Variants in LLPH observed in about 807,000 individuals in gnomAD.
LLPH encodes protein LLP homolog.
A neutral mutation model predicts 13.3 loss-of-function variants in LLPH; 5 were observed. The ratio of observed to expected loss-of-function variants is 0.38; its 90% CI spans 0.20 to 0.79. The LOEUF is 0.79. Among genes scored for constraint, LLPH ranks in the 30% least tolerant of loss-of-function variants. LLPH has a pLI of 0.45. For missense variants in LLPH, 129 were observed against 152.1 expected (o/e 0.85, Z 0.80); for synonymous variants, 32 against 44.2 (o/e 0.72, Z 1.09).
chr12:66,123,788 A>G lies in LLPH; in HGVS notation c.*52T>C, dbSNP rs2051478749. 1.1e-5 allele frequency: 17 copies of G among 1,595,334 alleles called. No individual in the cohort carries two copies. Among genetic ancestry groups the G allele is most frequent in the Non-Finnish European group, 1.4e-5 (16 of 1,171,094 alleles). On this transcript the variant is annotated 3_prime_UTR_variant, in exon 3 of 3. Transcript: ENST00000266604. ...TTGAAATCAAAGTATACATGTGTAT[A>G]CATTCTAATCCGTCATCTATCCCAT...
intron 2 of LLPH, among the ~76,000 whole-genome samples, chr12:66,127,956 A>G (rs2051508209): frequency 6.6e-6 from 1 of 152,214 alleles, no homozygotes; most frequent in Non-Finnish European, 1.5e-5. Context: ...TCAGAACACA[A>G]GTGGAGAAAC....
At chr12:66,130,363 C>T (rs2051527141) in intron 1 of LLPH, 1 of 152,232 alleles carries the variant, frequency 6.6e-6, no homozygotes, top group East Asian at 1.9e-4. Context: ...GAACCACTAA[C>T]ATTTTTTGAA....
intron 1 of LLPH, chr12:66,130,463 G>A (rs1340921072): frequency 6.6e-6 from 1 of 152,170 alleles, no homozygotes; most frequent in African/African-American, 2.4e-5. Flanking sequence ...AACCTTGAGG[G>A]CCGAAGTTAA....
chr12:66,129,053 T>A lies in LLPH; in HGVS notation c.54A>T (p.Arg18Ser). Residue 18 changes from arginine (R) to serine (S), a missense_variant, in exon 2 of 3, where the codon AGA (arginine) becomes AGT (serine). Physicochemically the swap from Arg to Ser is moderately radical, Grantham distance 110. Coordinates refer to ENST00000266604, the MANE Select transcript of LLPH (RefSeq NM_032338.4). Reference sequence around the variant, plus strand: ...TGGCCTCCTTTGGGGCATTCTTTTTTCTCTTTTCAGCACGCATCTTTCTTT... The same window carrying A: ...TGGCCTCCTTTGGGGCATTCTTTTTACTCTTTTCAGCACGCATCTTTCTTT... ...KWKRKMRAEKRKKNAPKEASR... is the reference protein window; with the variant it reads ...KWKRKMRAEKSKKNAPKEASR... 1 of 1,613,092 alleles carries A rather than the reference T, an allele frequency of 6.2e-7. No homozygotes were observed. The highest frequency in any genetic ancestry group is 2.2e-5 in the East Asian group (1 of 44,868).
chr12:66,119,236 A>C lies in LLPH; in HGVS notation c.*4604T>G, dbSNP rs2051448161. Reference sequence around the variant, plus strand: ...AAAGATTAAATAATATACATAAAGCATTTAAGAGAGTACGCATTCTCTAAA... The same window carrying C: ...AAAGATTAAATAATATACATAAAGCCTTTAAGAGAGTACGCATTCTCTAAA... On this transcript the variant is annotated 3_prime_UTR_variant, in exon 3 of 3. Transcript: ENST00000266604. 1 of 152,258 alleles carries C rather than the reference A, an allele frequency of 6.6e-6. No individual in the cohort carries two copies. 9.4% of individuals were successfully genotyped at this position (152,258 alleles called of 1,614,324 possible).
intron 2 of LLPH, among the ~76,000 whole-genome samples, chr12:66,126,756 C>A (rs1203878462): frequency 6.6e-6 from 1 of 151,930 alleles, no homozygotes; most frequent in Non-Finnish European, 1.5e-5. Flanking sequence ...CATGGTGAAA[C>A]CCCAACCCTA....
chr12:66,126,625 C>G (rs2051499143), intron 2 of LLPH, among the ~76,000 whole-genome samples: 1 of 151,980 alleles, frequency 6.6e-6, no homozygotes, highest in African/African-American at 2.4e-5. Flanking sequence ...TACAAATGGT[C>G]AATCAGCATA....
At position 66,121,380 on chromosome 12, in the gene LLPH, T is replaced by G. The variant is rs2051461810; in HGVS notation, c.*2460A>C. ...TCACTGCAACCTCTGCCTCCCAGGT[T>G]CAAGCGATTCTCCTTCCTCAGCCTC... On this transcript the variant is annotated 3_prime_UTR_variant, in exon 3 of 3. Coordinates refer to ENST00000266604, the MANE Select transcript of LLPH (RefSeq NM_032338.4). 6.6e-6 allele frequency: 1 copy of G among 151,180 alleles called. No homozygotes were observed. Among genetic ancestry groups the G allele is most frequent in the African/African-American group, 2.4e-5 (1 of 41,054 alleles). The allele number at this position is 151,180 out of a possible 1,614,324, so 9.4% of individuals were successfully genotyped here. A position where few individuals can be genotyped will look rare whatever the true frequency, so the allele number is the denominator to read the frequency against.
At chr12:66,130,541 C>T (rs1267655600) in intron 1 of LLPH, 164 bp downstream of exon 1, 3 of 152,200 alleles carry the variant, frequency 2.0e-5, no homozygotes, top group African/African-American at 7.2e-5. Flanking sequence ...CGGAGGGCCC[C>T]CACCAAAAAG....
In LLPH at chr12:66,118,111, C is replaced by G. The variant is rs373596043; in HGVS notation, c.*5729G>C. 1 of 152,250 alleles carries G rather than the reference C, an allele frequency of 6.6e-6. No homozygotes were observed. The highest frequency in any genetic ancestry group is 1.5e-5 in the Non-Finnish European group (1 of 68,132). 9.4% of individuals were successfully genotyped at this position (152,250 alleles called of 1,614,324 possible). On this transcript the variant is annotated 3_prime_UTR_variant, in exon 3 of 3. Transcript: ENST00000266604. Reference sequence around the variant, plus strand: ...GAGTACAGTGGCTCACGCCTGTAATCGCAGCACTTTGGGAGGCTGAGGCAG... The same window carrying G: ...GAGTACAGTGGCTCACGCCTGTAATGGCAGCACTTTGGGAGGCTGAGGCAG...
chr12:66,129,031 C>A lies in LLPH; in HGVS notation c.76G>T (p.Ala26Ser), dbSNP rs201282200. 5.0e-6 allele frequency: 8 copies of A among 1,611,244 alleles called. No individual in the cohort carries two copies. The highest frequency in any genetic ancestry group is 2.7e-5 in the African/African-American group (2 of 74,952). ...TTGAGAATACTTTTAAGCCTGCTGGCCTCCTTTGGGGCATTCTTTTTTCTC... is the reference window on the plus strand; with the variant it reads ...TTGAGAATACTTTTAAGCCTGCTGGACTCCTTTGGGGCATTCTTTTTTCTC... ...EKRKKNAPKE[A>S]SRLKSILKLD... The change falls in exon 2 of 3, where the codon GCC becomes TCC. Residue 26 changes from alanine (A) to serine (S), a missense_variant. Physicochemically the swap from Ala to Ser is moderately conservative, Grantham distance 99 (BLOSUM62 1). Coordinates refer to ENST00000266604, the MANE Select transcript of LLPH (RefSeq NM_032338.4).
chr12:66,128,755 G>A lies in LLPH; in HGVS notation c.211+141C>T, dbSNP rs2051512996. 4 of 639,630 alleles carry A rather than the reference G, an allele frequency of 6.3e-6. No individual in the cohort carries two copies. The East Asian group carries it at 1.1e-4, about 18-fold the overall frequency. 39.6% of individuals were successfully genotyped at this position (639,630 alleles called of 1,614,324 possible). A position where few individuals can be genotyped will look rare whatever the true frequency, so the allele number is the denominator to read the frequency against. ...GTGCTTTGGAAGGCTGAGGTGGGAA[G>A]AATCCGCTTCAGCTCAGGAATTCAA... On this transcript the variant is annotated intron_variant, in intron 2 of 2. Coordinates refer to ENST00000266604, the MANE Select transcript of LLPH (RefSeq NM_032338.4).
chr12:66,128,305 C>A (rs181582834), intron 2 of LLPH, among the ~76,000 whole-genome samples: 3 of 152,040 alleles, frequency 2.0e-5, no homozygotes, highest in Non-Finnish European at 2.9e-5. Flanking sequence ...TAGTTTGCTG[C>A]CAAATTGGTG....
chr12:66,120,766 G>A lies in LLPH; in HGVS notation c.*3074C>T, dbSNP rs986285902. The A allele has an allele frequency of 6.6e-6, 1 of 152,122 alleles. No individual in the cohort carries two copies. The highest frequency in any genetic ancestry group is 1.5e-5 in the Non-Finnish European group (1 of 68,010). 9.4% of individuals were successfully genotyped at this position (152,122 alleles called of 1,614,324 possible). A position where few individuals can be genotyped will look rare whatever the true frequency, so the allele number is the denominator to read the frequency against. ...TAAGCTAATTATTTAAAAGATAAAA[G>A]GACTATGCTATACTTCTCGATTTGT... is the stretch of plus-strand genomic sequence containing the variant. On this transcript the variant is annotated 3_prime_UTR_variant, in exon 3 of 3. Coordinates refer to ENST00000266604, the MANE Select transcript of LLPH (RefSeq NM_032338.4).
rs2051469048 is a variant in LLPH, at chr12:66,122,453, A to ATC, written c.*1385_*1386dup. ...TTATCTTATTCAATCTGTCCCAAGC[A>ATC]TCTGGAAAGTCCCTGGCCCACATAC... On this transcript the variant is annotated 3_prime_UTR_variant, in exon 3 of 3. Transcript: ENST00000266604. The ATC allele has an allele frequency of 6.6e-6, 1 of 152,200 alleles. No individual in the cohort carries two copies. Among genetic ancestry groups the ATC allele is most frequent in the Admixed American group, 6.5e-5 (1 of 15,284 alleles). 9.4% of individuals were successfully genotyped at this position (152,200 alleles called of 1,614,324 possible).
rs2051472666 is a variant in LLPH, at chr12:66,122,962, T to G, written c.*878A>C. 1 of 152,074 alleles carries G rather than the reference T, an allele frequency of 6.6e-6. No homozygotes were observed. 9.4% of individuals were successfully genotyped at this position (152,074 alleles called of 1,614,324 possible). ...GCATACTGATTTGTATATGTTAATA[T>G]TCTACCTAAAATTAAGATAAGAAAA... is the stretch of plus-strand genomic sequence containing the variant. On this transcript the variant is annotated 3_prime_UTR_variant, in exon 3 of 3. Coordinates refer to ENST00000266604, the MANE Select transcript of LLPH (RefSeq NM_032338.4).
rs780610077 is a variant in LLPH, at chr12:66,129,030, G to T, written c.77C>A (p.Ala26Asp). Reference sequence around the variant, plus strand: ...TTTGAGAATACTTTTAAGCCTGCTGGCCTCCTTTGGGGCATTCTTTTTTCT... The same window carrying T: ...TTTGAGAATACTTTTAAGCCTGCTGTCCTCCTTTGGGGCATTCTTTTTTCT... ...EKRKKNAPKE[A>D]SRLKSILKLD... is the part of the protein sequence containing the mutation. The change falls in exon 2 of 3, where the codon GCC becomes GAC. Residue 26 changes from alanine (A) to aspartate (D), a missense_variant. Coordinates refer to ENST00000266604, the MANE Select transcript of LLPH (RefSeq NM_032338.4). 1.7e-5 allele frequency: 27 copies of T among 1,610,118 alleles called. No individual in the cohort carries two copies. The highest frequency in any genetic ancestry group is 2.3e-5 in the Non-Finnish European group (27 of 1,176,512).
At chr12:66,129,950 C>A (rs774159586) in intron 1 of LLPH, among the ~76,000 whole-genome samples, 2 of 152,130 alleles carry the variant, frequency 1.3e-5, no homozygotes, top group Non-Finnish European at 2.9e-5. Flanking sequence ...TCTTCGAGTT[C>A]TTTAAAGACC....
At chr12:66,125,773 C>T (rs2051492525) in intron 2 of LLPH, among the ~76,000 whole-genome samples, 2 of 152,258 alleles carry the variant, frequency 1.3e-5, no homozygotes, top group South Asian at 2.1e-4. Flanking sequence ...TAGTGCCACA[C>T]TTTTAAATAC....
Sources: gnomAD v4.1 joint callset for allele counts (sites outside exome capture counted in the v4.1 genomes callset) on GRCh38, gnomAD v4.1.1 for gene constraint, MANE v1.5 for transcripts, NCBI Gene and HGNC (gene_info 2026-07-23, HGNC 2026-07-21) for gene names.